STRN: variants seen among roughly 807,000 people sequenced by gnomAD.
STRN encodes striatin.
STRN carries 53 observed loss-of-function variants against 96.3 expected under a neutral mutation model. The observed-to-expected ratio is 0.55, with a 90% confidence interval of 0.44 to 0.69. The LOEUF is 0.69. Ranked by LOEUF, STRN falls within the 30% of genes least tolerant of loss-of-function variation. The pLI is 0.00. For missense variants in STRN, 987 were observed against 963.9 expected (o/e 1.02, Z -0.32); for synonymous variants, 428 against 355.9 (o/e 1.20, Z -2.28).
chr2:36,863,482 A>C (rs1668545741), intron 12 of STRN, among the ~76,000 whole-genome samples: 1 of 152,104 alleles, frequency 6.6e-6, no homozygotes, highest in Admixed American at 6.5e-5. Flanking sequence ...GACGGTTATA[A>C]GTGTGCAGCT....
At chr2:36,959,702 T>C (rs1332282379) in intron 1 of STRN, among the ~76,000 whole-genome samples, 2 of 152,196 alleles carry the variant, frequency 1.3e-5, no homozygotes, top group Non-Finnish European at 2.9e-5. Flanking sequence ...CCAAATTCTA[T>C]AAAAAGCCAT....
chr2:36,887,087 G>T (rs935308927), intron 7 of STRN, among the ~76,000 whole-genome samples: 1 of 130,168 alleles, frequency 7.7e-6, no homozygotes, highest in Non-Finnish European at 1.6e-5. Flanking sequence ...ACACACACAC[G>T]GAAGATTTTA....
chr2:36,920,649 A>G (rs1436281429), intron 2 of STRN, among the ~76,000 whole-genome samples: 1 of 151,820 alleles, frequency 6.6e-6, no homozygotes, highest in African/African-American at 2.4e-5. Flanking sequence ...AAAAAAAAAA[A>G]AAAAAAGACA....
intron 9 of STRN, 99 bp from the exon 10 acceptor site, chr2:36,878,126 C>T: frequency 7.7e-7 from 1 of 1,297,148 alleles, no homozygotes; most frequent in Non-Finnish European, 1.1e-6. Context: ...CACGTATATA[C>T]TTAATTGTTT....
intron 12 of STRN, among the ~76,000 whole-genome samples, chr2:36,863,654 G>T (rs1323471897): frequency 1.3e-5 from 2 of 152,110 alleles, no homozygotes; most frequent in Non-Finnish European, 2.9e-5. Flanking sequence ...GGCTCTTCGG[G>T]TTTCCATATG....
chr2:36,942,309 T>A (rs1670865687), intron 1 of STRN, among the ~76,000 whole-genome samples: 1 of 152,170 alleles, frequency 6.6e-6, no homozygotes, highest in Non-Finnish European at 1.5e-5. Context: ...ATGTCATTGC[T>A]AAGCCACTGC....
chr2:36,917,069 TA>T (rs989265988), intron 2 of STRN, among the ~76,000 whole-genome samples: 119 of 132,522 alleles, frequency 9.0e-4, no homozygotes, highest in African/African-American at 3.0e-3. Flanking sequence ...TAAAAATAAA[TA>T]AAAAAAAAAG....
intron 10 of STRN, among the ~76,000 whole-genome samples, chr2:36,871,946 G>C (rs1282256551): frequency 6.6e-6 from 1 of 152,330 alleles, no homozygotes; most frequent in East Asian, 1.9e-4. Context: ...CATCATCCAA[G>C]GAACTACTGT....
intron 1 of STRN, among the ~76,000 whole-genome samples, chr2:36,931,364 G>A (rs1440348867): frequency 2.0e-5 from 3 of 152,100 alleles, no homozygotes; most frequent in Non-Finnish European, 4.4e-5. Flanking sequence ...GGAGAATATA[G>A]GAAAAACAAA....
At chr2:36,853,273 G>A (rs369316683) in intron 15 of STRN, among the ~76,000 whole-genome samples, 5 of 152,124 alleles carry the variant, frequency 3.3e-5, no homozygotes, top group East Asian at 1.9e-4. Context: ...TTCAGACTAC[G>A]CATTATTTCC....
At chr2:36,953,985 C>T (rs1664820540) in intron 1 of STRN, among the ~76,000 whole-genome samples, 1 of 151,498 alleles carries the variant, frequency 6.6e-6, no homozygotes, top group Non-Finnish European at 1.5e-5. Context: ...CCAGCCTGGG[C>T]AGAATAGAAG....
chr2:36,937,975 T>G (rs551391132), intron 1 of STRN, among the ~76,000 whole-genome samples: 10 of 152,078 alleles, frequency 6.6e-5, no homozygotes, highest in Non-Finnish European at 1.2e-4. Flanking sequence ...GAAAAGCAAA[T>G]AGGCTATGAT....
intron 6 of STRN, among the ~76,000 whole-genome samples, chr2:36,894,352 C>T (rs1322160487): frequency 1.3e-5 from 2 of 152,176 alleles, no homozygotes; most frequent in East Asian, 3.8e-4. Flanking sequence ...CCTAACCTTG[C>T]ATCAGTTTTC....
At position 36,849,597 on chromosome 2, in the gene STRN, A is replaced by G. The variant is rs778576765; in HGVS notation, c.2202T>C (p.Asn734=). The G allele has an allele frequency of 4.3e-6, 7 of 1,614,030 alleles. No individual in the cohort carries two copies. The highest frequency in any genetic ancestry group is 5.9e-6 in the Non-Finnish European group (7 of 1,180,004). Residue 734 remains asparagine, a synonymous_variant, in exon 18 of 18, where the codon AAT becomes AAC. Coordinates refer to ENST00000263918, the MANE Select transcript of STRN (RefSeq NM_003162.4). The part of the protein sequence containing the change: ...GSHDCSIRLW[N]LESKTCIQEF... ...CTTGGATACACGTCTTACTTTCTAGATTCCATAAACGTATTGAACAGTCAT... is the reference window on the plus strand; with the variant it reads ...CTTGGATACACGTCTTACTTTCTAGGTTCCATAAACGTATTGAACAGTCAT...
At chr2:36,894,806 G>C (rs1669496009) in intron 6 of STRN, among the ~76,000 whole-genome samples, 1 of 152,176 alleles carries the variant, frequency 6.6e-6, no homozygotes, top group South Asian at 2.1e-4. Context: ...GGATAGACTA[G>C]AGAGTTGAGA....
rs928331852 is a variant in STRN at position 36,843,198 on chromosome 2, A to C, written c.*6258T>G. On this transcript the variant is annotated 3_prime_UTR_variant, in exon 18 of 18. Coordinates refer to ENST00000263918, the MANE Select transcript of STRN (RefSeq NM_003162.4). The stretch of plus-strand genomic sequence containing the variant: ...GTACATACCAAAGGATATAATACTC[A>C]TTAGTATACCAGCATACAGAACACC... 3.3e-5 allele frequency among the ~76,000 whole-genome samples: 5 copies of C among 152,206 alleles called. No individual in the cohort carries two copies. Among genetic ancestry groups the C allele is most frequent in the African/African-American group, 1.2e-4 (5 of 41,456 alleles).
intron 11 of STRN, 25 bp from the exon 12 acceptor site, chr2:36,867,886 C>G (rs1178564963): frequency 1.3e-6 from 2 of 1,560,062 alleles, no homozygotes; most frequent in East Asian, 2.3e-5. Flanking sequence ...GATGACTTTA[C>G]CATTCTAAGT....
chr2:36,955,757 C>T (rs757423241), intron 1 of STRN, among the ~76,000 whole-genome samples: 1 of 152,206 alleles, frequency 6.6e-6, no homozygotes, highest in Non-Finnish European at 1.5e-5. Flanking sequence ...CAAACCACTA[C>T]AGATTGAGTA....
chr2:36,889,467 C>CA (rs201548771), intron 7 of STRN, among the ~76,000 whole-genome samples: 1 of 35,308 alleles, frequency 2.8e-5, no homozygotes, highest in Admixed American at 5.5e-4. Context: ...TTTGGGTCCC[C>CA]AAATGTCTTC....
Sources: allele counts gnomAD v4.1 joint callset (sites outside exome capture counted in the v4.1 genomes callset), GRCh38; gene constraint gnomAD v4.1.1; transcripts MANE v1.5; gene names NCBI Gene and HGNC (gene_info 2026-07-23, HGNC 2026-07-21).